Variants in DOK6 observed in about 807,000 individuals in gnomAD.
DOK6 encodes docking protein 6.
A neutral mutation model predicts 44.0 loss-of-function variants in DOK6; 22 were observed. The observed-to-expected ratio is 0.50, with a 90% confidence interval of 0.36 to 0.71. The LOEUF is 0.71. Ranked by LOEUF, DOK6 falls within the 30% of genes least tolerant of loss-of-function variation. The probability of loss-of-function intolerance (pLI) is 0.00; values close to 1 mark genes in which losing one functional copy is unlikely to be tolerated. For missense variants in DOK6, 340 were observed against 416.4 expected, an observed-to-expected ratio of 0.82 and a Z score of 1.60; for synonymous variants, 166 against 145.5, an observed-to-expected ratio of 1.14 and a Z score of -1.01.
At chr18:69,835,623 C>G (rs146686231) in intron 7 of DOK6, among the ~76,000 whole-genome samples, 2 of 152,154 alleles carry the variant, frequency 1.3e-5, no homozygotes, top group Admixed American at 6.5e-5. Flanking sequence ...GCAGCCTGCC[C>G]GCTCCTTTTT....
chr18:69,401,803 A>C (rs1035910861), intron 1 of DOK6, among the ~76,000 whole-genome samples: 6 of 151,996 alleles, frequency 3.9e-5, no homozygotes, highest in Non-Finnish European at 8.8e-5. Flanking sequence ...TGCCGGCTGT[A>C]GTTTAGGGCG....
intron 2 of DOK6, among the ~76,000 whole-genome samples, chr18:69,582,039 G>T (rs1036305662): frequency 6.6e-6 from 1 of 152,166 alleles, no homozygotes; most frequent in Non-Finnish European, 1.5e-5. Flanking sequence ...GAACAAAAAA[G>T]ATCCTGTTTG....
intron 7 of DOK6, among the ~76,000 whole-genome samples, chr18:69,795,747 C>G (rs1409051327): frequency 1.3e-5 from 2 of 152,134 alleles, no homozygotes; most frequent in Non-Finnish European, 2.9e-5. Context: ...ATTTGGCTGG[C>G]AGGATAAATG....
intron 1 of DOK6, among the ~76,000 whole-genome samples, chr18:69,513,389 C>CATATACTCAT (rs1568281764): frequency 1.4e-4 from 21 of 152,138 alleles, no homozygotes; most frequent in Non-Finnish European, 8.8e-5. Context: ...CACGCACACA[C>CATATACTCAT]GCACACTCTC....
intron 4 of DOK6, among the ~76,000 whole-genome samples, chr18:69,684,171 A>C (rs1010882724): frequency 2.0e-5 from 3 of 152,208 alleles, no homozygotes; most frequent in African/African-American, 7.2e-5. Context: ...ACCACCTATA[A>C]ATTTGAAAAA....
intron 1 of DOK6, among the ~76,000 whole-genome samples, chr18:69,475,725 A>G (rs1023173477): frequency 6.6e-6 from 1 of 152,194 alleles, no homozygotes; most frequent in African/African-American, 2.4e-5. Flanking sequence ...TTTAGATACT[A>G]TCAGCTCTTC....
chr18:69,655,067 C>G (rs1157744566), intron 3 of DOK6, among the ~76,000 whole-genome samples: 2 of 151,936 alleles, frequency 1.3e-5, no homozygotes, highest in African/African-American at 4.8e-5. Context: ...CAAAACAAGA[C>G]AAAAAGAATT....
At chr18:69,839,550 T>C (rs1219226180) in intron 7 of DOK6, among the ~76,000 whole-genome samples, 2 of 152,178 alleles carry the variant, frequency 1.3e-5, no homozygotes, top group Admixed American at 6.5e-5. Context: ...ATCATCAGGG[T>C]CTTGCAGGAA....
At chr18:69,840,042 C>T (rs1316443068) in intron 7 of DOK6, among the ~76,000 whole-genome samples, 1 of 152,178 alleles carries the variant, frequency 6.6e-6, no homozygotes, top group African/African-American at 2.4e-5. Context: ...CCAGTTCATC[C>T]GAGTTTCCTC....
At chr18:69,449,978 C>A in intron 1 of DOK6, among the ~76,000 whole-genome samples, 1 of 127,522 alleles carries the variant, frequency 7.8e-6, no homozygotes, top group Non-Finnish European at 1.6e-5. Flanking sequence ...AACAGAAAAA[C>A]TGGAAACTCT....
intron 7 of DOK6, among the ~76,000 whole-genome samples, chr18:69,840,399 A>T (rs1982180777): frequency 6.6e-6 from 1 of 152,232 alleles, no homozygotes; most frequent in Non-Finnish European, 1.5e-5. Context: ...AAAAAGGATG[A>T]GGGGGAAAAA....
At chr18:69,539,818 A>G (rs1599180885) in intron 1 of DOK6, among the ~76,000 whole-genome samples, 1 of 152,242 alleles carries the variant, frequency 6.6e-6, no homozygotes, top group East Asian at 1.9e-4. Flanking sequence ...CATGTATGCA[A>G]TTTTGATATA....
intron 3 of DOK6, among the ~76,000 whole-genome samples, chr18:69,617,354 G>GAGAAAT (rs1984311136): frequency 2.1e-5 from 3 of 145,804 alleles, no homozygotes; most frequent in African/African-American, 7.5e-5. Flanking sequence ...GAAAGAGAAA[G>GAGAAAT]AAAGGAAAAG....
chr18:69,618,009 G>T (rs1428678129), intron 3 of DOK6, among the ~76,000 whole-genome samples: 2 of 152,124 alleles, frequency 1.3e-5, no homozygotes, highest in African/African-American at 4.8e-5. Context: ...GAAAGATTTG[G>T]ATACAGAAAC....
intron 3 of DOK6, among the ~76,000 whole-genome samples, chr18:69,602,743 A>T (rs537752084): frequency 6.6e-6 from 1 of 152,188 alleles, no homozygotes; most frequent in Non-Finnish European, 1.5e-5. Context: ...TTTGTTTAAA[A>T]ATAATGTGGA....
chr18:69,721,832 T>A (rs1327266850), intron 5 of DOK6, among the ~76,000 whole-genome samples: 1 of 152,236 alleles, frequency 6.6e-6, no homozygotes, highest in Non-Finnish European at 1.5e-5. Flanking sequence ...AAATAAATAA[T>A]TTAAACAGTG....
chr18:69,715,102 A>G (rs944456780), intron 5 of DOK6, among the ~76,000 whole-genome samples: 2 of 152,216 alleles, frequency 1.3e-5, no homozygotes, highest in Non-Finnish European at 2.9e-5. Context: ...CATGTAAGGA[A>G]GTGCTTTGAA....
chr18:69,509,429 A>G (rs1338412293), intron 1 of DOK6, among the ~76,000 whole-genome samples: 2 of 151,940 alleles, frequency 1.3e-5, no homozygotes, highest in East Asian at 3.9e-4. Context: ...CGAGGTCAGG[A>G]GATCGAGACC....
intron 7 of DOK6, among the ~76,000 whole-genome samples, chr18:69,821,078 G>T: frequency 6.6e-6 from 1 of 152,154 alleles, no homozygotes; most frequent in East Asian, 1.9e-4. Flanking sequence ...AATATTCATT[G>T]TCCATTCCTT....
Sources: allele counts gnomAD v4.1 joint callset (sites outside exome capture counted in the v4.1 genomes callset), GRCh38; gene constraint gnomAD v4.1.1; transcripts MANE v1.5; gene names NCBI Gene and HGNC (gene_info 2026-07-23, HGNC 2026-07-21).